The following DNAH11 variants were observed in gnomAD, a reference collection of about 807,000 sequenced individuals.
DNAH11 encodes the protein dynein axonemal heavy chain 11.
A neutral mutation model predicts 526.0 loss-of-function variants in DNAH11; 442 were observed. The ratio of observed to expected loss-of-function variants is 0.84; its 90% CI spans 0.78 to 0.91. DNAH11 has a LOEUF of 0.91. Among genes scored for constraint, DNAH11 ranks in the 40% least tolerant of loss-of-function variants. The pLI, the probability that DNAH11 is intolerant of heterozygous loss-of-function variation, is 0.00. For synonymous variants in DNAH11, 2,461 were observed against 1,935.9 expected, an observed-to-expected ratio of 1.27 and a Z score of -7.12; for missense variants, 6,989 against 5,448.7, an observed-to-expected ratio of 1.28 and a Z score of -8.90.
chr7:21,549,830 G>A (rs1782951735), intron 2 of DNAH11, among the ~76,000 whole-genome samples: 1 of 152,152 alleles, frequency 6.6e-6, no homozygotes, highest in Non-Finnish European at 1.5e-5. Context: ...TTTGGTTCAG[G>A]GAAAAGATAT....
Position 21,802,089 on chromosome 7 carries a change from A to G in DNAH11, c.10165+814A>G, listed in dbSNP as rs80231702. 9.4e-3 allele frequency among the ~76,000 whole-genome samples: 1,431 copies of G among 152,314 alleles called. 16 individuals are homozygous for G. The highest frequency in any genetic ancestry group is 0.032 in the African/African-American group (1,349 of 41,568). ...ATAACGTTTCCCTTACAAGGTTGTG[A>G]TGATTCTCAAAAGACATAATGTACG... is the stretch of plus-strand genomic sequence containing the variant. On this transcript the variant is annotated intron_variant, in intron 62 of 81. Transcript: ENST00000409508.
chr7:21,700,949 GA>G (rs1479922032), intron 36 of DNAH11, among the ~76,000 whole-genome samples: 1 of 152,118 alleles, frequency 6.6e-6, no homozygotes, highest in Non-Finnish European at 1.5e-5. Flanking sequence ...TCACACACTG[GA>G]GCCTGTTGGG....
chr7:21,686,237 A>C (rs1026999944), intron 32 of DNAH11, among the ~76,000 whole-genome samples: 2 of 152,204 alleles, frequency 1.3e-5, no homozygotes, highest in Non-Finnish European at 2.9e-5. Flanking sequence ...TAGAGGAGAA[A>C]ACTGAGGTGT....
In DNAH11 at chr7:21,615,137, A is replaced by T. The variant is rs1469978035; in HGVS notation, c.3876A>T (p.Leu1292Phe). The T allele has an allele frequency of 1.9e-6, 3 of 1,612,286 alleles. No individual in the cohort carries two copies. The highest frequency in any genetic ancestry group is 2.5e-6 in the Non-Finnish European group (3 of 1,179,188). ...AGGCAAATGAAGAGCTTGAGGCCTT[A>T]GAAGAAGAAATGTTGCAGATGCAAG... ...LDKANEELEA[L>F]EEEMLQMQES... is the part of the protein sequence containing the mutation. The change falls in exon 21 of 82, where the codon TTA (leucine) becomes TTT (phenylalanine). Residue 1292 changes from leucine (L) to phenylalanine (F), a missense_variant. Coordinates refer to ENST00000409508, the MANE Select transcript of DNAH11 (RefSeq NM_001277115.2).
chr7:21,757,753 C>G (rs1786701979), intron 54 of DNAH11, among the ~76,000 whole-genome samples: 1 of 152,122 alleles, frequency 6.6e-6, no homozygotes, highest in African/African-American at 2.4e-5. Context: ...ACCTGAGACT[C>G]TCAACAAAAA....
In DNAH11 at chr7:21,733,260, C is replaced by T. The variant is rs190104941; in HGVS notation, c.7441-2380C>T. On this transcript the variant is annotated intron_variant, in intron 45 of 81. Transcript: ENST00000409508. The stretch of plus-strand genomic sequence containing the variant: ...AAAATTAGCTGGGTATGGTGGCAGG[C>T]GCCTGTAATTTCAGCTACTTGGGAG... Among the ~76,000 whole-genome samples, 374 of 152,242 alleles carry T rather than the reference C, an allele frequency of 2.5e-3. 2 individuals are homozygous for T. Among genetic ancestry groups the T allele is most frequent in the African/African-American group, 8.2e-3 (342 of 41,560 alleles).
Position 21,877,150 on chromosome 7 carries a change from A to G in DNAH11, c.12196-3552A>G, listed in dbSNP as rs542558380. ...TTCCTGTTGCCTGGGTGTCCCTCAC[A>G]GTGGAGTAAAATACCCAAGAGGTTT... is the stretch of plus-strand genomic sequence containing the variant. On this transcript the variant is annotated intron_variant, in intron 74 of 81. Transcript: ENST00000409508. Among the ~76,000 whole-genome samples the G allele has an allele frequency of 2.4e-4, 36 of 152,352 alleles. No individual in the cohort carries two copies. The South Asian group carries it at 2.9e-3, about 12-fold the overall frequency.
In DNAH11 at chr7:21,901,474, TAGG is replaced by T. The variant is rs1784844816; in HGVS notation, c.*223_*225del. On this transcript the variant is annotated 3_prime_UTR_variant, in exon 82 of 82. Coordinates refer to ENST00000409508, the MANE Select transcript of DNAH11 (RefSeq NM_001277115.2). The stretch of plus-strand genomic sequence containing the variant: ...ACTGTAATCCCAGTTACTCAGGAGG[TAGG>T]AGAATCACTTGAACCTAGGAGGCAA... 1 of 511,394 alleles carries T rather than the reference TAGG, an allele frequency of 2.0e-6. No homozygotes were observed. Among genetic ancestry groups the T allele is most frequent in the Non-Finnish European group, 2.9e-6 (1 of 343,070 alleles). 31.7% of individuals were successfully genotyped at this position (511,394 alleles called of 1,614,324 possible). A position where few individuals can be genotyped will look rare whatever the true frequency, so the allele number is the denominator to read the frequency against.
intron 20 of DNAH11, among the ~76,000 whole-genome samples, chr7:21,612,472 A>C (rs557427111): frequency 2.0e-5 from 3 of 148,924 alleles, no homozygotes; most frequent in African/African-American, 7.4e-5. Context: ...GGAGAATGGC[A>C]TGAACCCAGG....
At chr7:21,789,812 C>CTTTCTTT (rs1554281420) in intron 61 of DNAH11, among the ~76,000 whole-genome samples, 2,614 of 75,230 alleles carry the variant, frequency 0.035, 45 homozygotes, top group Admixed American at 0.058. Context: ...TTTCTTTTTT[C>CTTTCTTT]TTTCTTTCTT....
chr7:21,544,987 T>G lies in DNAH11; in HGVS notation c.352-19T>G. The G allele has an allele frequency of 6.4e-7, 1 of 1,554,068 alleles. No homozygotes were observed. The highest frequency in any genetic ancestry group is 1.2e-5 in the South Asian group (1 of 82,312). On this transcript the variant is annotated intron_variant, in intron 1 of 81. Transcript: ENST00000409508. ...TAACAAGAAAACTACTTGAACTAAT[T>G]ATCTTGCTCTTGTTTTAGATTCCAA...
chr7:21,594,027 C>G (rs1270837569), intron 14 of DNAH11, among the ~76,000 whole-genome samples: 1 of 150,646 alleles, frequency 6.6e-6, no homozygotes, highest in Non-Finnish European at 1.5e-5. Context: ...CTCACACACA[C>G]TCTTTCTCCC....
intron 6 of DNAH11, among the ~76,000 whole-genome samples, chr7:21,566,992 C>A (rs1783697792): frequency 6.6e-6 from 1 of 152,146 alleles, no homozygotes; most frequent in Non-Finnish European, 1.5e-5. Context: ...AAAAACTATA[C>A]AAAGATCCCC....
At chr7:21,547,013 C>A (rs942887363) in intron 2 of DNAH11, among the ~76,000 whole-genome samples, 1 of 152,162 alleles carries the variant, frequency 6.6e-6, no homozygotes, top group Non-Finnish European at 1.5e-5. Flanking sequence ...CTTGGTGAAC[C>A]TTACTTTGGT....
In DNAH11 at chr7:21,789,292, G is replaced by A; in HGVS notation, c.9976G>A (p.Glu3326Lys). The change falls in exon 61 of 82, where the codon GAA becomes AAA. Residue 3326 changes from glutamate (E) to lysine (K), a missense_variant. Glu to Lys is a moderately conservative substitution (Grantham distance 56). Coordinates refer to ENST00000409508, the MANE Select transcript of DNAH11 (RefSeq NM_001277115.2). ...KRQALAQANL[E>K]LAAATEKLEA... ...CCAAGCATTAGCCCAAGCAAACTTA[G>A]AACTGGCTGCAGCTACTGAAAAACT... The A allele has an allele frequency of 6.3e-7, 1 of 1,578,742 alleles. No individual in the cohort carries two copies. Among genetic ancestry groups the A allele is most frequent in the African/African-American group, 1.3e-5 (1 of 74,210 alleles).
At chr7:21,806,788 T>C (rs1379598007) in intron 62 of DNAH11, among the ~76,000 whole-genome samples, 1 of 152,216 alleles carries the variant, frequency 6.6e-6, no homozygotes, top group African/African-American at 2.4e-5. Context: ...TCCATACATA[T>C]TTATTGCAGT....
At chr7:21,810,625 A>G (rs1487337401) in intron 63 of DNAH11, among the ~76,000 whole-genome samples, 3 of 152,170 alleles carry the variant, frequency 2.0e-5, no homozygotes, top group Non-Finnish European at 2.9e-5. Flanking sequence ...TAAGAAACCC[A>G]AGACGTATTT....
intron 26 of DNAH11, among the ~76,000 whole-genome samples, chr7:21,636,612 C>G (rs1161434690): frequency 6.6e-6 from 1 of 152,058 alleles, no homozygotes; most frequent in Admixed American, 6.5e-5. Flanking sequence ...GTGGCCCAAG[C>G]TTGCAGTCCT....
chr7:21,543,295 C>T lies in DNAH11; in HGVS notation c.50C>T (p.Pro17Leu), dbSNP rs1358408381. The change falls in exon 1 of 82, where the codon CCG becomes CTG. Residue 17 changes from proline to leucine, a missense_variant. Physicochemically the swap from Pro to Leu is moderately conservative, Grantham distance 98. Transcript: ENST00000409508. ...AREARDFREA[P>L]TLRLTSGAGL... is the part of the protein sequence containing the mutation. ...GAGGCGCGAGACTTCAGAGAAGCCC[C>T]GACCCTTCGCCTAACCTCGGGGGCC... is the stretch of plus-strand genomic sequence containing the variant. 1.1e-5 allele frequency: 17 copies of T among 1,548,268 alleles called. No homozygotes were observed. The highest frequency in any genetic ancestry group is 1.5e-5 in the Non-Finnish European group (17 of 1,145,960).
Sources: gnomAD v4.1 joint callset for allele counts (sites outside exome capture counted in the v4.1 genomes callset) on GRCh38, gnomAD v4.1.1 for gene constraint, MANE v1.5 for transcripts, NCBI Gene and HGNC (gene_info 2026-07-23, HGNC 2026-07-21) for gene names.